BATF3: variants seen among roughly 807,000 people sequenced by gnomAD.
BATF3 encodes basic leucine zipper transcriptional factor ATF-like 3.
Under a neutral mutation model 16.1 loss-of-function variants are expected in BATF3, and 8 were observed. That is an observed-to-expected ratio of 0.50 (90% confidence interval 0.29 to 0.90). BATF3 has a LOEUF of 0.90. Among genes scored for constraint, BATF3 ranks in the 40% least tolerant of loss-of-function variants. The pLI is 0.08. For missense variants in BATF3, 139 were observed against 167.0 expected, an observed-to-expected ratio of 0.83 and a Z score of 0.92; for synonymous variants, 74 against 72.7, an observed-to-expected ratio of 1.02 and a Z score of -0.09.
intron 1 of BATF3, chr1:212,698,458 A>T (rs903160912): frequency 6.6e-6 from 1 of 152,294 alleles, no homozygotes; most frequent in Non-Finnish European, 1.5e-5. Flanking sequence ...ACAAAGGGTC[A>T]GTGAACTCTG....
Position 212,699,672 on chromosome 1 carries a change from C to A in BATF3, c.90+1G>T. The A allele has an allele frequency of 7.5e-7, 1 of 1,337,954 alleles. No homozygotes were observed. 82.9% of individuals were successfully genotyped at this position (1,337,954 alleles called of 1,614,324 possible). A position where few individuals can be genotyped will look rare whatever the true frequency, so the allele number is the denominator to read the frequency against. ...CCCTCCCTGAGCCTCTCGCCCTCTA[C>A]CTGCTGCTGCGGCTGCGGCTGCGGC... is the stretch of plus-strand genomic sequence containing the variant. On this transcript the variant is annotated splice_donor_variant, in intron 1 of 2. Coordinates refer to ENST00000243440, the MANE Select transcript of BATF3 (RefSeq NM_018664.3). LOFTEE classifies it high-confidence loss of function. This position sits in a 1 kb window ranked among gnomAD's most constrained non-coding sequence, Gnocchi z 4.4.
In BATF3 at chr1:212,699,085, G is replaced by A. The variant is rs561996529; in HGVS notation, c.90+588C>T. ...ACCCAGGCAAAGTTTCCAGACGGCCGTCCCTGTGGCCAACCTGGTCTCCTT... is the reference window on the plus strand; with the variant it reads ...ACCCAGGCAAAGTTTCCAGACGGCCATCCCTGTGGCCAACCTGGTCTCCTT... On this transcript the variant is annotated intron_variant, in intron 1 of 2. Transcript: ENST00000243440. This position sits in a 1 kb window ranked among gnomAD's most constrained non-coding sequence, Gnocchi z 4.4. 2.2e-4 allele frequency among the ~76,000 whole-genome samples: 33 copies of A among 152,354 alleles called. No individual in the cohort carries two copies. The highest frequency in any genetic ancestry group is 7.7e-4 in the African/African-American group (32 of 41,598).
At chr1:212,694,346 T>C (rs1459936310) in intron 2 of BATF3, among the ~76,000 whole-genome samples, 1 of 152,194 alleles carries the variant, frequency 6.6e-6, no homozygotes, top group African/African-American at 2.4e-5. Flanking sequence ...TCAGCAGCAG[T>C]AGGAAATTAA....
intron 2 of BATF3, among the ~76,000 whole-genome samples, chr1:212,694,428 A>G (rs1323390641): frequency 6.6e-6 from 1 of 152,034 alleles, no homozygotes; most frequent in Non-Finnish European, 1.5e-5. Flanking sequence ...TCTCTTTGTG[A>G]CCCAATGGCA....
At chr1:212,687,279 C>T (rs2102399555) in intron 2 of BATF3, among the ~76,000 whole-genome samples, 1 of 152,210 alleles carries the variant, frequency 6.6e-6, no homozygotes, top group African/African-American at 2.4e-5. Context: ...TCAATCACTC[C>T]AAAAAGTTCC....
intron 2 of BATF3, among the ~76,000 whole-genome samples, chr1:212,688,190 G>T (rs866659313): frequency 6.6e-6 from 1 of 151,696 alleles, no homozygotes; most frequent in Non-Finnish European, 1.5e-5. Context: ...TTTCAATATC[G>T]CAGTTCTTGA....
At chr1:212,697,997 A>C (rs1224068408) in intron 1 of BATF3, 4 of 152,352 alleles carry the variant, frequency 2.6e-5, no homozygotes, top group African/African-American at 9.6e-5. Context: ...AATAACACAA[A>C]AAAGGATATT....
intron 2 of BATF3, among the ~76,000 whole-genome samples, chr1:212,696,423 GGTGTGTGTGT>G (rs139095900): frequency 1.3e-5 from 2 of 148,506 alleles, no homozygotes; most frequent in Non-Finnish European, 3.0e-5. Flanking sequence ...GTTTCTGTAG[GGTGTGTGTGT>G]GTGTGTGTGT....
At chr1:212,693,953 T>C (rs1051255782) in intron 2 of BATF3, among the ~76,000 whole-genome samples, 1 of 152,136 alleles carries the variant, frequency 6.6e-6, no homozygotes, top group African/African-American at 2.4e-5. Context: ...ACTATGCGGA[T>C]GTGATTAAGA....
intron 2 of BATF3, among the ~76,000 whole-genome samples, chr1:212,687,968 AAAG>A (rs1656888656): frequency 4.5e-5 from 2 of 44,618 alleles, no homozygotes; most frequent in Admixed American, 5.1e-4. Flanking sequence ...AAAGAAAAAA[AAAG>A]AAAGAAAGAA....
chr1:212,699,786 C>A lies in BATF3; in HGVS notation c.-24G>T. The A allele has an allele frequency of 8.6e-7, 1 of 1,166,184 alleles. No homozygotes were observed. The highest frequency in any genetic ancestry group is 4.1e-5 in the South Asian group (1 of 24,104). The allele number at this position is 1,166,184 out of a possible 1,614,324, so 72.2% of individuals were successfully genotyped here. Reference sequence around the variant, plus strand: ...ATGCCGGGCGCTCCTCTGGCCCGGCCCGCCCCGCCCCGCCCGCGCGCCCTG... The same window carrying A: ...ATGCCGGGCGCTCCTCTGGCCCGGCACGCCCCGCCCCGCCCGCGCGCCCTG... On this transcript the variant is annotated 5_prime_UTR_variant, in exon 1 of 3. Transcript: ENST00000243440. This position sits in a 1 kb window ranked among gnomAD's most constrained non-coding sequence, Gnocchi z 4.4.
chr1:212,696,272 T>C (rs1357852925), intron 2 of BATF3, among the ~76,000 whole-genome samples: 2 of 152,186 alleles, frequency 1.3e-5, no homozygotes, highest in African/African-American at 4.8e-5. Flanking sequence ...AAATGTGGTC[T>C]TTTAGAAGCA....
In BATF3 at chr1:212,699,272, G is replaced by A. The variant is rs1452180018; in HGVS notation, c.90+401C>T. ...CGCGGCAGCACCCCCCCCACCCGGG[G>A]GAATCCTGGAGGGGCTACAGGCGCG... On this transcript the variant is annotated intron_variant, in intron 1 of 2. Coordinates refer to ENST00000243440, the MANE Select transcript of BATF3 (RefSeq NM_018664.3). The surrounding 1 kb of genome is among the most constrained non-coding windows in gnomAD (Gnocchi z 4.4). 6.6e-6 allele frequency among the ~76,000 whole-genome samples: 1 copy of A among 151,566 alleles called. No homozygotes were observed. The highest frequency in any genetic ancestry group is 1.5e-5 in the Non-Finnish European group (1 of 67,858).
rs999542624 is a variant in BATF3, at chr1:212,689,239, A to G, written c.196-2260T>C. On this transcript the variant is annotated intron_variant, in intron 2 of 2. Coordinates refer to ENST00000243440, the MANE Select transcript of BATF3 (RefSeq NM_018664.3). The surrounding 1 kb of genome is among the most constrained non-coding windows in gnomAD (Gnocchi z 4.6). ...GATGCGCCACAGCACCAGCACCTAC[A>G]TGCTCAGTGATTCCTCAGCCCTCAT... Among the ~76,000 whole-genome samples the G allele has an allele frequency of 5.9e-4, 89 of 152,104 alleles. No homozygotes were observed. The highest frequency in any genetic ancestry group is 3.8e-4 in the Non-Finnish European group (26 of 68,016).
chr1:212,691,422 A>G (rs1467997983), intron 2 of BATF3, among the ~76,000 whole-genome samples: 2 of 152,206 alleles, frequency 1.3e-5, no homozygotes. Flanking sequence ...GCTTTTAGTT[A>G]GCAGTGCCTG....
chr1:212,693,490 A>G (rs1381929160), intron 2 of BATF3, among the ~76,000 whole-genome samples: 2 of 152,104 alleles, frequency 1.3e-5, no homozygotes, highest in African/African-American at 2.4e-5. Context: ...GCCAGTGGAG[A>G]GTAATCCTGA....
chr1:212,692,181 G>C (rs1159258756), intron 2 of BATF3, among the ~76,000 whole-genome samples: 5 of 152,180 alleles, frequency 3.3e-5, no homozygotes, highest in African/African-American at 1.2e-4. Flanking sequence ...GGAGAACAAG[G>C]AGGGGAGGGA....
chr1:212,686,436 T>A lies in BATF3; in HGVS notation c.*355A>T, dbSNP rs1656851492. On this transcript the variant is annotated 3_prime_UTR_variant, in exon 3 of 3. Coordinates refer to ENST00000243440, the MANE Select transcript of BATF3 (RefSeq NM_018664.3). ...GACCTCTCCAGGAAAAGGAAGTGTA[T>A]TGTGCCTGTAAATTCCCAGAACTGG... 4.4e-6 allele frequency: 1 copy of A among 227,020 alleles called. No homozygotes were observed. Among genetic ancestry groups the A allele is most frequent in the Non-Finnish European group, 8.8e-6 (1 of 113,138 alleles). The allele number at this position is 227,020 out of a possible 1,614,324, so 14.1% of individuals were successfully genotyped here. A position where few individuals can be genotyped will look rare whatever the true frequency, so the allele number is the denominator to read the frequency against.
chr1:212,697,068 G>A lies in BATF3; in HGVS notation c.91-3C>T, dbSNP rs2233924. 0.079 allele frequency: 127,086 copies of A among 1,612,710 alleles called. 5,691 individuals are homozygous for A. The highest frequency in any genetic ancestry group is 0.14 in the East Asian group (6,119 of 44,870). On this transcript the variant is annotated splice_polypyrimidine_tract_variant and splice_region_variant and intron_variant, in intron 1 of 2. Transcript: ENST00000243440. ...TTCCTGTCATCATCCTCAGGGCTCT[G>A]GGGAAAAACACTGGGTGGGTGTGAT... is the stretch of plus-strand genomic sequence containing the variant.
Sources: gnomAD v4.1 joint callset for allele counts (sites outside exome capture counted in the v4.1 genomes callset) on GRCh38, gnomAD v4.1.1 for gene constraint, Gnocchi (gnomAD v3.1) non-coding constraint, MANE v1.5 for transcripts, NCBI Gene and HGNC (gene_info 2026-07-23, HGNC 2026-07-21) for gene names.